The following LIN28B variants were observed in gnomAD, a reference collection of about 807,000 sequenced individuals.
The protein encoded by LIN28B is protein lin-28 homolog B.
In LIN28B, 5 loss-of-function variants were observed where a neutral mutation model predicts 21.9. The observed-to-expected ratio is 0.23, with a 90% CI of 0.12 to 0.48. The LOEUF (loss-of-function observed/expected upper bound fraction) is 0.48, where lower values mean the gene tolerates loss of function less well. LIN28B is among the 20% of genes least tolerant of loss of function. The pLI is 0.98. For missense variants in LIN28B, 245 were observed against 310.5 expected (o/e 0.79, Z 1.58); for synonymous variants, 109 against 111.3 (o/e 0.98, Z 0.13).
At chr6:105,045,362 C>T (rs543754301) in intron 3 of LIN28B, among the ~76,000 whole-genome samples, 7 of 147,686 alleles carry the variant, frequency 4.7e-5, no homozygotes, top group Non-Finnish European at 8.9e-5. Context: ...TATTGGCTCA[C>T]TGCAACCTCT....
chr6:105,047,712 T>C (rs1771800054), intron 3 of LIN28B, among the ~76,000 whole-genome samples: 1 of 152,194 alleles, frequency 6.6e-6, no homozygotes, highest in Non-Finnish European at 1.5e-5. Flanking sequence ...GGTTTGTAGT[T>C]CTCCTTGAAG....
At chr6:104,951,050 C>T (rs1429781643) in intron 3 of LIN28B, among the ~76,000 whole-genome samples, 1 of 152,012 alleles carries the variant, frequency 6.6e-6, no homozygotes, top group Non-Finnish European at 1.5e-5. Context: ...ATTTGCTCCT[C>T]GTTTTCATAT....
intron 3 of LIN28B, among the ~76,000 whole-genome samples, chr6:105,029,614 A>G (rs1377353510): frequency 6.6e-6 from 1 of 152,206 alleles, no homozygotes; most frequent in Non-Finnish European, 1.5e-5. Flanking sequence ...AGAAAGACGT[A>G]TAAAATAGAA....
At chr6:105,035,823 T>TAA (rs1212795971) in intron 3 of LIN28B, among the ~76,000 whole-genome samples, 2 of 152,224 alleles carry the variant, frequency 1.3e-5, no homozygotes, top group African/African-American at 4.8e-5. Context: ...AATTTAAATT[T>TAA]AAATTGGGAA....
intron 2 of LIN28B, among the ~76,000 whole-genome samples, chr6:104,958,788 A>G (rs1769645418): frequency 6.6e-6 from 1 of 152,208 alleles, no homozygotes. Context: ...GTAGATTCAG[A>G]TCAAAATAAT....
At chr6:105,046,810 G>C (rs1196262465) in intron 3 of LIN28B, among the ~76,000 whole-genome samples, 1 of 152,192 alleles carries the variant, frequency 6.6e-6, no homozygotes, top group African/African-American at 2.4e-5. Flanking sequence ...CTGCATAAAT[G>C]TCTTCTTTTG....
chr6:105,040,287 G>C (rs1465721036), intron 3 of LIN28B, among the ~76,000 whole-genome samples: 4 of 151,890 alleles, frequency 2.6e-5, no homozygotes, highest in Non-Finnish European at 5.9e-5. Context: ...TACATAACTA[G>C]GACTTTTTGT....
At chr6:105,044,208 T>C (rs1247017475) in intron 3 of LIN28B, among the ~76,000 whole-genome samples, 5 of 152,190 alleles carry the variant, frequency 3.3e-5, no homozygotes. Context: ...CTCTGTTGAT[T>C]TGTGAAAGTT....
chr6:104,978,610 T>C (rs1048344280), intron 2 of LIN28B, among the ~76,000 whole-genome samples: 1 of 152,004 alleles, frequency 6.6e-6, no homozygotes, highest in Non-Finnish European at 1.5e-5. Flanking sequence ...CTACAATTGC[T>C]ATAATGCAGA....
chr6:105,013,378 C>A (rs1257202881), intron 2 of LIN28B, among the ~76,000 whole-genome samples: 1 of 151,684 alleles, frequency 6.6e-6, no homozygotes, highest in Non-Finnish European at 1.5e-5. Flanking sequence ...TGCTTATTTT[C>A]TATTTATGTA....
chr6:104,980,266 G>A (rs1237223621), intron 2 of LIN28B, among the ~76,000 whole-genome samples: 2 of 152,130 alleles, frequency 1.3e-5, no homozygotes, highest in Admixed American at 1.3e-4. Flanking sequence ...TGTAACCATG[G>A]TATATTAAGT....
chr6:104,947,098 A>G (rs933895791), intron 2 of LIN28B, among the ~76,000 whole-genome samples: 2 of 152,134 alleles, frequency 1.3e-5, no homozygotes, highest in African/African-American at 4.8e-5. Flanking sequence ...TTATCACTTC[A>G]TTTATCTGAG....
At chr6:104,981,707 C>A (rs1770230471) in intron 2 of LIN28B, among the ~76,000 whole-genome samples, 1 of 152,124 alleles carries the variant, frequency 6.6e-6, no homozygotes, top group African/African-American at 2.4e-5. Flanking sequence ...TTGCTGACTT[C>A]CCAGCAAAAA....
At chr6:105,038,035 A>G (rs1017833817) in intron 3 of LIN28B, among the ~76,000 whole-genome samples, 5 of 152,182 alleles carry the variant, frequency 3.3e-5, no homozygotes, top group Non-Finnish European at 7.3e-5. Flanking sequence ...TATTCCTGTG[A>G]TCTTAGGTTT....
chr6:105,072,736 T>A (rs1243289532), intron 3 of LIN28B, among the ~76,000 whole-genome samples: 1 of 152,200 alleles, frequency 6.6e-6, no homozygotes, highest in Non-Finnish European at 1.5e-5. Context: ...TTTAACTGGC[T>A]TACAATCTTA....
chr6:105,014,267 C>T (rs1582896139), intron 2 of LIN28B, among the ~76,000 whole-genome samples: 2 of 152,168 alleles, frequency 1.3e-5, no homozygotes, highest in African/African-American at 4.8e-5. Flanking sequence ...CCCACTTCAG[C>T]CTCCCAGGTA....
At chr6:104,990,110 A>C (rs1343791546) in intron 2 of LIN28B, among the ~76,000 whole-genome samples, 1 of 151,834 alleles carries the variant, frequency 6.6e-6, no homozygotes, top group Non-Finnish European at 1.5e-5. Flanking sequence ...TGAATTTCTA[A>C]ATATTTGGAA....
chr6:105,076,606 C>CT (rs999162368), intron 3 of LIN28B, among the ~76,000 whole-genome samples: 19 of 151,574 alleles, frequency 1.3e-4, no homozygotes, highest in South Asian at 2.1e-4. Context: ...TCAGTTAACA[C>CT]TTTTTTTGTT....
chr6:104,974,716 T>C (rs550825803), intron 2 of LIN28B, among the ~76,000 whole-genome samples: 3 of 152,114 alleles, frequency 2.0e-5, no homozygotes, highest in East Asian at 3.9e-4. Context: ...AGTATGGTTA[T>C]GAATCTCACA....
Sources: gnomAD v4.1 joint callset for allele counts (sites outside exome capture counted in the v4.1 genomes callset) on GRCh38, gnomAD v4.1.1 for gene constraint, MANE v1.5 for transcripts, NCBI Gene and HGNC (gene_info 2026-07-23, HGNC 2026-07-21) for gene names.